The following ZNF521 variants were observed in gnomAD, a reference collection of about 807,000 sequenced individuals.
ZNF521 encodes the protein LYST-interacting protein 3.
A neutral mutation model predicts 105.5 loss-of-function variants in ZNF521; 14 were observed. The ratio of observed to expected loss-of-function variants is 0.13; its 90% CI spans 0.09 to 0.21. ZNF521 has a LOEUF of 0.21. ZNF521 is among the 10% of genes least tolerant of loss of function. ZNF521 has a pLI of 1.00. For missense variants in ZNF521, 1,233 were observed against 1,629.7 expected (o/e 0.76, Z 4.19); for synonymous variants, 635 against 606.0 (o/e 1.05, Z -0.70).
chr18:25,148,694 T>C (rs966566191), intron 5 of ZNF521, among the ~76,000 whole-genome samples: 3 of 152,054 alleles, frequency 2.0e-5, no homozygotes, highest in African/African-American at 7.2e-5. Flanking sequence ...GAGTGACAAA[T>C]TTCGGTCATA....
intron 5 of ZNF521, among the ~76,000 whole-genome samples, chr18:25,152,298 G>A (rs954996372): frequency 7.9e-5 from 12 of 151,912 alleles, no homozygotes; most frequent in Middle Eastern, 3.2e-3. Context: ...GGCCAAAATG[G>A]CAAAACCCCG....
At chr18:25,205,787 T>C (rs149700348) in intron 4 of ZNF521, among the ~76,000 whole-genome samples, 2,485 of 152,248 alleles carry the variant, frequency 0.016, 66 homozygotes, top group African/African-American at 0.052. Context: ...ACAAATTAGA[T>C]TGGTTCATTT....
chr18:25,226,852 T>A lies in ZNF521; in HGVS notation c.1066A>T (p.Ser356Cys), dbSNP rs1360636495. 6.2e-7 allele frequency: 1 copy of A among 1,614,072 alleles called. No individual in the cohort carries two copies. The highest frequency in any genetic ancestry group is 1.1e-5 in the South Asian group (1 of 91,058). The change falls in exon 4 of 8, where the codon AGT (serine) becomes TGT (cysteine). Residue 356 changes from serine (S) to cysteine (C), a missense_variant. By Grantham distance (112) the Ser-to-Cys change is moderately radical (BLOSUM62 -1). Around this residue, in one of 6 missense-constraint regions of ZNF521, gnomAD observed 380 missense variants for 478.0 expected, o/e 0.80. Transcript: ENST00000361524. This position sits in a 1 kb window ranked among gnomAD's most constrained non-coding sequence, Gnocchi z 4.1. ...GAGAGGTTGGAATCTGGAGTCGTAC[T>A]GGACACGGAGGTATAGCCCACCGTG... ...LVTVGYTSVS[S>C]TTPDSNLSVD... is the part of the protein sequence containing the mutation.
At chr18:25,255,284 T>C (rs1908402232) in intron 3 of ZNF521, among the ~76,000 whole-genome samples, 1 of 152,124 alleles carries the variant, frequency 6.6e-6, no homozygotes, top group African/African-American at 2.4e-5. Flanking sequence ...ACTTTCACTA[T>C]TCTGGAAACA....
At chr18:25,154,742 T>C (rs1255004962) in intron 5 of ZNF521, among the ~76,000 whole-genome samples, 1 of 152,172 alleles carries the variant, frequency 6.6e-6, no homozygotes, top group Non-Finnish European at 1.5e-5. Flanking sequence ...AACAAGACCT[T>C]AGAAATTGTC....
chr18:25,098,252 T>A (rs113998331), intron 5 of ZNF521, among the ~76,000 whole-genome samples: 291 of 152,242 alleles, frequency 1.9e-3, no homozygotes, highest in Middle Eastern at 6.8e-3. Context: ...AGCAGTGGTA[T>A]TTTGGCACAA....
At chr18:25,088,867 T>G (rs983992792) in intron 7 of ZNF521, among the ~76,000 whole-genome samples, 1 of 152,186 alleles carries the variant, frequency 6.6e-6, no homozygotes, top group Non-Finnish European at 1.5e-5. Context: ...TCTTCATATC[T>G]GAGGTTCAGA....
intron 3 of ZNF521, among the ~76,000 whole-genome samples, chr18:25,300,499 T>A (rs1462775331): frequency 1.3e-5 from 2 of 152,212 alleles, no homozygotes; most frequent in African/African-American, 2.4e-5. Context: ...AACAGTCTTA[T>A]GTTGGCATCT....
intron 2 of ZNF521, among the ~76,000 whole-genome samples, chr18:25,322,921 C>A (rs888306901): frequency 1.3e-5 from 2 of 152,110 alleles, no homozygotes; most frequent in Non-Finnish European, 2.9e-5. Context: ...GTTGTGAAAA[C>A]TAAAAATAGT....
At chr18:25,251,406 T>G (rs1308015676) in intron 3 of ZNF521, among the ~76,000 whole-genome samples, 1 of 152,188 alleles carries the variant, frequency 6.6e-6, no homozygotes, top group Non-Finnish European at 1.5e-5. Context: ...AATTGCCCAT[T>G]CCAAGATCTC....
intron 7 of ZNF521, among the ~76,000 whole-genome samples, chr18:25,078,976 T>G (rs1025009261): frequency 3.2e-4 from 49 of 152,212 alleles, no homozygotes; most frequent in African/African-American, 8.7e-4. Context: ...TGCAACAAGT[T>G]TGACCATCTT....
chr18:25,211,203 C>G (rs1041434986), intron 4 of ZNF521, among the ~76,000 whole-genome samples: 1 of 152,080 alleles, frequency 6.6e-6, no homozygotes, highest in Non-Finnish European at 1.5e-5. Flanking sequence ...AGGCTCAGAG[C>G]CTTTTGTGGG....
intron 3 of ZNF521, among the ~76,000 whole-genome samples, chr18:25,274,970 C>T (rs556029678): frequency 1.3e-5 from 2 of 152,148 alleles, no homozygotes; most frequent in East Asian, 3.9e-4. Context: ...AAGTTTCATC[C>T]CCAAAGCGGG....
At chr18:25,071,194 G>A (rs1293615481) in intron 7 of ZNF521, among the ~76,000 whole-genome samples, 2 of 152,198 alleles carry the variant, frequency 1.3e-5, no homozygotes, top group Non-Finnish European at 2.9e-5. Context: ...ACATGAGACT[G>A]TACTGCAGTA....
intron 3 of ZNF521, among the ~76,000 whole-genome samples, chr18:25,268,097 T>C (rs1175619340): frequency 6.6e-6 from 1 of 152,188 alleles, no homozygotes; most frequent in African/African-American, 2.4e-5. Context: ...AATGAACTGA[T>C]GGAGCTTAAA....
chr18:25,218,626 T>C (rs557770061), intron 4 of ZNF521, among the ~76,000 whole-genome samples: 59 of 148,394 alleles, frequency 4.0e-4, no homozygotes, highest in African/African-American at 1.5e-3. Flanking sequence ...TACTCAAGCC[T>C]GGGCCACAGA....
intron 3 of ZNF521, among the ~76,000 whole-genome samples, chr18:25,291,697 C>T (rs965774172): frequency 6.6e-6 from 1 of 152,130 alleles, no homozygotes; most frequent in African/African-American, 2.4e-5. Flanking sequence ...TCTCTGTAGA[C>T]GTCTGCCACC....
At chr18:25,301,189 G>A (rs1911623939) in intron 3 of ZNF521, among the ~76,000 whole-genome samples, 1 of 152,096 alleles carries the variant, frequency 6.6e-6, no homozygotes, top group Admixed American at 6.5e-5. Context: ...GTCTCACACA[G>A]GAGTAGAGAA....
intron 5 of ZNF521, among the ~76,000 whole-genome samples, chr18:25,112,567 C>T (rs1351645641): frequency 6.6e-6 from 1 of 152,146 alleles, no homozygotes; most frequent in African/African-American, 2.4e-5. Flanking sequence ...AACACACTCC[C>T]ATCCAGCGCA....
Sources: allele counts gnomAD v4.1 joint callset (sites outside exome capture counted in the v4.1 genomes callset), GRCh38; gene constraint gnomAD v4.1.1; regional missense constraint gnomAD v4.1.1; non-coding constraint Gnocchi (gnomAD v3.1); transcripts MANE v1.5; gene names NCBI Gene and HGNC (gene_info 2026-07-23, HGNC 2026-07-21).